The following ZC3H12B variants were observed in gnomAD, a reference collection of about 807,000 sequenced individuals.
ZC3H12B encodes the protein probable ribonuclease ZC3H12B.
A neutral mutation model predicts 43.9 loss-of-function variants in ZC3H12B; 7 were observed. That is an observed-to-expected ratio of 0.16 (90% CI 0.09 to 0.30). ZC3H12B has a LOEUF of 0.30. Among genes scored for constraint, ZC3H12B ranks in the 10% least tolerant of loss-of-function variants. The pLI, the probability that ZC3H12B is intolerant of heterozygous loss-of-function variation, is 1.00. For synonymous variants in ZC3H12B, 222 were observed against 241.7 expected (o/e 0.92, Z 0.76); for missense variants, 475 against 670.2 (o/e 0.71, Z 3.22).
the ZC3H12B span, among the ~76,000 whole-genome samples, chrX:65,207,530 C>G: frequency 9.1e-6 from 1 of 110,416 alleles, no homozygotes; most frequent in African/African-American, 3.3e-5. Flanking sequence ...ACATTGGGTA[C>G]AGTGTACACT....
chrX:65,135,700 A>AT, the ZC3H12B span, among the ~76,000 whole-genome samples: 7,438 of 64,051 alleles, frequency 0.12, 969 homozygotes, highest in African/African-American at 0.36. Flanking sequence ...TTGGTTAGAT[A>AT]TTTTTTTTTT....
intron 2 of ZC3H12B, among the ~76,000 whole-genome samples, chrX:65,371,796 C>T: frequency 9.0e-6 from 1 of 111,461 alleles, no homozygotes; most frequent in East Asian, 2.8e-4. Flanking sequence ...AGGCATACAA[C>T]AGAAAGAGAA....
chrX:65,300,810 A>G, the ZC3H12B span, among the ~76,000 whole-genome samples: 1 of 111,324 alleles, frequency 9.0e-6, no homozygotes, highest in Admixed American at 9.6e-5. Context: ...CCATACCCTC[A>G]CAGAGTCCAC....
At chrX:65,484,774 T>G (rs1010187225), upstream of ZC3H12B, among the ~76,000 whole-genome samples, 1 of 112,623 alleles carries the variant, frequency 8.9e-6, no homozygotes, top group Non-Finnish European at 1.9e-5. Flanking sequence ...TGGCCAGATA[T>G]TTCTGCCTCT....
chrX:65,217,599 T>C, the ZC3H12B span, among the ~76,000 whole-genome samples: 1 of 112,158 alleles, frequency 8.9e-6, no homozygotes, highest in Non-Finnish European at 1.9e-5. Flanking sequence ...ATCAGATAAA[T>C]TTAACAAAGA....
chrX:65,318,029 C>T, the ZC3H12B span, among the ~76,000 whole-genome samples: 1 of 108,875 alleles, frequency 9.2e-6, no homozygotes. Context: ...TTCCTCTGGG[C>T]AGATATCCGG....
At chrX:65,456,239 C>G (rs1321470803) in intron 3 of ZC3H12B, among the ~76,000 whole-genome samples, 2 of 111,318 alleles carry the variant, frequency 1.8e-5, no homozygotes, top group Non-Finnish European at 3.8e-5. Flanking sequence ...ACCCATCTCA[C>G]GTGCAGAGAC....
In ZC3H12B at chrX:65,441,710, C is replaced by T. The variant is rs189676922; in HGVS notation, n.407+43006C>T. Reference sequence around the variant, plus strand: ...CCTAAAAGTAATCGCATTGTCCCTGCTGGTAAGGGTCCACAGACTCCAGTT... The same window carrying T: ...CCTAAAAGTAATCGCATTGTCCCTGTTGGTAAGGGTCCACAGACTCCAGTT... On this transcript the variant is annotated intron_variant and non_coding_transcript_variant, in intron 3 of 5. Coordinates refer to the ZC3H12B transcript ENST00000617377. Among the ~76,000 whole-genome samples the T allele has an allele frequency of 3.2e-3, 358 of 111,805 alleles. 3 individuals are homozygous for T. Among genetic ancestry groups the T allele is most frequent in the Non-Finnish European group, 4.1e-3 (216 of 53,186 alleles).
intron 2 of ZC3H12B, among the ~76,000 whole-genome samples, chrX:65,391,283 G>A (rs2066612631): frequency 8.9e-6 from 1 of 112,082 alleles, no homozygotes; most frequent in African/African-American, 3.2e-5. Context: ...GAAAAAAGAT[G>A]GAGACAAATA....
At chrX:65,324,646 GT>G in the ZC3H12B span, among the ~76,000 whole-genome samples, 221 of 110,933 alleles carry the variant, frequency 2.0e-3, 1 homozygote, top group African/African-American at 6.9e-3. Flanking sequence ...TTACACCATT[GT>G]CATCTGAAAA....
At chrX:65,078,672 A>G in the ZC3H12B span, among the ~76,000 whole-genome samples, 168 of 111,715 alleles carry the variant, frequency 1.5e-3, 2 homozygotes, top group African/African-American at 5.3e-3. Flanking sequence ...CAAGAGAGTG[A>G]CAATACATGG....
At chrX:65,409,710 G>C (rs1424212571) in intron 3 of ZC3H12B, among the ~76,000 whole-genome samples, 2 of 110,207 alleles carry the variant, frequency 1.8e-5, no homozygotes, top group Non-Finnish European at 3.8e-5. Flanking sequence ...AATTTAAAAA[G>C]TAATCCCATT....
the ZC3H12B span, among the ~76,000 whole-genome samples, chrX:65,275,663 G>A: frequency 6.9e-3 from 770 of 112,140 alleles, 11 homozygotes; most frequent in African/African-American, 0.023. Context: ...AGTGCACTTC[G>A]CAAAACCAAC....
At chrX:65,192,886 G>C in the ZC3H12B span, among the ~76,000 whole-genome samples, 2 of 110,735 alleles carry the variant, frequency 1.8e-5, no homozygotes, top group Non-Finnish European at 3.8e-5. Flanking sequence ...CGATTTTCCT[G>C]CCTCAGCCTC....
chrX:65,202,600 G>C, the ZC3H12B span, among the ~76,000 whole-genome samples: 2 of 111,000 alleles, frequency 1.8e-5, no homozygotes, highest in Admixed American at 9.7e-5. Context: ...AAAAAATGGA[G>C]TCTACGTCTT....
chrX:65,286,073 A>G, the ZC3H12B span, among the ~76,000 whole-genome samples: 2 of 111,637 alleles, frequency 1.8e-5, no homozygotes, highest in Non-Finnish European at 3.8e-5. Context: ...TATATACCCA[A>G]AGAAAAATAC....
At chrX:65,115,690 C>T in the ZC3H12B span, among the ~76,000 whole-genome samples, 1 of 111,313 alleles carries the variant, frequency 9.0e-6, no homozygotes, top group African/African-American at 3.3e-5. Flanking sequence ...AAAAGCCTTC[C>T]CTTTTCACTA....
At chrX:65,262,797 T>C in the ZC3H12B span, among the ~76,000 whole-genome samples, 1 of 110,706 alleles carries the variant, frequency 9.0e-6, no homozygotes, top group Non-Finnish European at 1.9e-5. Context: ...TTTTCATGCA[T>C]TGTTATTTTT....
chrX:65,054,949 C>CTT, the ZC3H12B span, among the ~76,000 whole-genome samples: 2 of 110,776 alleles, frequency 1.8e-5, no homozygotes, highest in Non-Finnish European at 3.8e-5. Flanking sequence ...TATCCTGAGA[C>CTT]TGCTGAAGTT....
Sources: allele counts gnomAD v4.1 joint callset (sites outside exome capture counted in the v4.1 genomes callset), GRCh38; gene constraint gnomAD v4.1.1; transcripts MANE v1.5; gene names NCBI Gene and HGNC (gene_info 2026-07-23, HGNC 2026-07-21).